Variants in C12orf42 observed in about 807,000 individuals in gnomAD.
C12orf42 encodes chromosome 12 open reading frame 42, also known as uncharacterized protein C12orf42.
Under a neutral mutation model 21.6 loss-of-function variants are expected in C12orf42, and 25 were observed. The observed-to-expected ratio is 1.16, with a 90% CI of 0.84 to 1.62. The LOEUF is 1.62. Ranked by LOEUF, C12orf42 falls within the 40% of genes most tolerant of loss-of-function variation. The pLI, the probability that C12orf42 is intolerant of heterozygous loss-of-function variation, is 0.00. For synonymous variants in C12orf42, 174 were observed against 175.0 expected (o/e 0.99, Z 0.05); for missense variants, 483 against 459.3 (o/e 1.05, Z -0.47).
At chr12:103,247,183 A>G (rs1327441632) in intron 10 of C12orf42, among the ~76,000 whole-genome samples, 1 of 152,020 alleles carries the variant, frequency 6.6e-6, no homozygotes, top group Non-Finnish European at 1.5e-5. Context: ...ACCATGATCA[A>G]TGGTCTTCAT....
downstream of C12orf42, among the ~76,000 whole-genome samples, chr12:103,233,859 A>T (rs2033382983): frequency 6.6e-6 from 1 of 152,190 alleles, no homozygotes; most frequent in East Asian, 1.9e-4. Context: ...TGATATCGAA[A>T]AGAAGTGGTG....
the C12orf42 span, among the ~76,000 whole-genome samples, chr12:103,209,453 A>G: frequency 9.2e-5 from 14 of 152,240 alleles, no homozygotes; most frequent in African/African-American, 2.9e-4. Flanking sequence ...CCTTTTCAGC[A>G]AAGTTTCCTT....
At chr12:103,528,506 C>G in the C12orf42 span, among the ~76,000 whole-genome samples, 1 of 152,156 alleles carries the variant, frequency 6.6e-6, no homozygotes, top group South Asian at 2.1e-4. Context: ...TTAGTGCCCA[C>G]TCAGTGTGTG....
the C12orf42 span, among the ~76,000 whole-genome samples, chr12:103,214,305 T>C: frequency 9.8e-4 from 150 of 152,330 alleles, no homozygotes; most frequent in African/African-American, 3.4e-3. Context: ...CCTTTTCTTT[T>C]TGTCCTGTAG....
At chr12:103,493,610 G>A (rs147384910) in intron 1 of C12orf42, among the ~76,000 whole-genome samples, 54 of 150,998 alleles carry the variant, frequency 3.6e-4, no homozygotes, top group African/African-American at 1.2e-3. Flanking sequence ...CCCTCAACTT[G>A]TAGCTCTTTA....
At chr12:103,335,881 T>C (rs971078113) in intron 4 of C12orf42, among the ~76,000 whole-genome samples, 14 of 152,174 alleles carry the variant, frequency 9.2e-5, no homozygotes, top group Non-Finnish European at 1.6e-4. Context: ...CCAGACACAA[T>C]GACAACTGTT....
intron 10 of C12orf42, among the ~76,000 whole-genome samples, chr12:103,256,649 G>T (rs1366664201): frequency 6.6e-6 from 1 of 152,100 alleles, no homozygotes; most frequent in East Asian, 1.9e-4. Context: ...GGATTAAAGG[G>T]GTTGGAGCAG....
intron 10 of C12orf42, among the ~76,000 whole-genome samples, chr12:103,256,052 CAAAAAAAAAAAAAAA>C (rs1161719991): frequency 1.6e-3 from 28 of 17,510 alleles, no homozygotes; most frequent in East Asian, 0.011. Context: ...GACTCTGTCT[CAAAAAAAAAAAAAAA>C]AAAAAAAAAA....
At chr12:103,089,988 A>T in the C12orf42 span, among the ~76,000 whole-genome samples, 1 of 152,230 alleles carries the variant, frequency 6.6e-6, no homozygotes, top group Non-Finnish European at 1.5e-5. Context: ...TGCTACCCAC[A>T]CACACTGTAT....
chr12:103,320,606 A>G (rs1303089048), intron 4 of C12orf42, among the ~76,000 whole-genome samples: 1 of 152,260 alleles, frequency 6.6e-6, no homozygotes, highest in Non-Finnish European at 1.5e-5. Context: ...ACCTAACAGC[A>G]AATAGCAAGC....
At chr12:103,441,102 T>G (rs1305033439) in intron 2 of C12orf42, among the ~76,000 whole-genome samples, 2 of 152,166 alleles carry the variant, frequency 1.3e-5, no homozygotes, top group Non-Finnish European at 2.9e-5. Context: ...CTTTACTCTG[T>G]CAAAAAGCAA....
the C12orf42 span, among the ~76,000 whole-genome samples, chr12:103,554,337 C>T: frequency 1.3e-5 from 2 of 152,040 alleles, no homozygotes; most frequent in Non-Finnish European, 2.9e-5. Context: ...GGATTATATC[C>T]AGCTTGTAGC....
At chr12:103,123,458 A>T in the C12orf42 span, among the ~76,000 whole-genome samples, 1 of 152,176 alleles carries the variant, frequency 6.6e-6, no homozygotes, top group Non-Finnish European at 1.5e-5. Context: ...GAAGAGAAAT[A>T]GGCAAAAAAA....
chr12:103,156,528 T>C, the C12orf42 span, among the ~76,000 whole-genome samples: 5 of 152,222 alleles, frequency 3.3e-5, no homozygotes, highest in East Asian at 3.9e-4. Context: ...CTAAAAAAAA[T>C]GGGATACATG....
At chr12:103,089,565 C>T in the C12orf42 span, among the ~76,000 whole-genome samples, 2 of 151,414 alleles carry the variant, frequency 1.3e-5, no homozygotes, top group East Asian at 1.9e-4. Flanking sequence ...CTTAGTGATG[C>T]TTCACATGAG....
the C12orf42 span, among the ~76,000 whole-genome samples, chr12:103,207,847 G>T: frequency 7.9e-5 from 12 of 152,278 alleles, no homozygotes; most frequent in African/African-American, 2.9e-4. Context: ...AAAAGAGAAA[G>T]ATTTTCATCA....
intron 4 of C12orf42, among the ~76,000 whole-genome samples, chr12:103,313,955 G>A (rs1468263496): frequency 6.6e-6 from 1 of 152,142 alleles, no homozygotes; most frequent in Non-Finnish European, 1.5e-5. Context: ...GCAAAAGCAG[G>A]CCACAGTTAC....
the C12orf42 span, among the ~76,000 whole-genome samples, chr12:103,121,626 A>G: frequency 6.6e-6 from 1 of 152,194 alleles, no homozygotes; most frequent in Non-Finnish European, 1.5e-5. Context: ...CGCTATCATC[A>G]TCCCAAGTAT....
the C12orf42 span, among the ~76,000 whole-genome samples, chr12:103,063,264 C>T: frequency 6.6e-6 from 1 of 152,174 alleles, no homozygotes; most frequent in South Asian, 2.1e-4. Context: ...TAGTAAGAAC[C>T]TTATCCCCTG....
Sources: allele counts gnomAD v4.1 joint callset (sites outside exome capture counted in the v4.1 genomes callset), GRCh38; gene constraint gnomAD v4.1.1; transcripts MANE v1.5; gene names NCBI Gene and HGNC (gene_info 2026-07-23, HGNC 2026-07-21).